SNX29: variants seen among roughly 807,000 people sequenced by gnomAD.
The protein encoded by SNX29 is sorting nexin 29.
SNX29 carries 78 observed loss-of-function variants against 102.1 expected under a neutral mutation model. That is an observed-to-expected ratio of 0.76 (90% CI 0.64 to 0.92). The LOEUF is 0.92. Ranked by LOEUF, SNX29 falls within the 40% of genes least tolerant of loss-of-function variation. SNX29 has a pLI of 0.00. For missense variants in SNX29, 1,280 were observed against 1,061.7 expected, an observed-to-expected ratio of 1.21 and a Z score of -2.86; for synonymous variants, 580 against 414.5, an observed-to-expected ratio of 1.40 and a Z score of -4.85.
At chr16:12,252,591 CGTGT>C (rs2078453175) in intron 14 of SNX29, among the ~76,000 whole-genome samples, 1 of 152,238 alleles carries the variant, frequency 6.6e-6, no homozygotes, top group Non-Finnish European at 1.5e-5. Context: ...CCTCCCTGAA[CGTGT>C]GTGCATTTCC....
At chr16:12,537,596 A>ACT (rs1182648240) in intron 20 of SNX29, among the ~76,000 whole-genome samples, 1 of 151,896 alleles carries the variant, frequency 6.6e-6, no homozygotes, top group Non-Finnish European at 1.5e-5. Flanking sequence ...CTTTGTTCAA[A>ACT]CTCTCACTTC....
At chr16:12,164,371 G>A (rs932162550) in intron 13 of SNX29, among the ~76,000 whole-genome samples, 4 of 152,182 alleles carry the variant, frequency 2.6e-5, no homozygotes, top group African/African-American at 7.2e-5. Context: ...AAACCCGTGC[G>A]ATAGTGAATG....
At chr16:12,285,880 G>A (rs562771300) in intron 15 of SNX29, among the ~76,000 whole-genome samples, 1 of 152,238 alleles carries the variant, frequency 6.6e-6, no homozygotes, top group Admixed American at 6.5e-5. Flanking sequence ...TTTTCTGATG[G>A]AGTTTCACTC....
chr16:12,061,313 C>T (rs558885463), intron 8 of SNX29, among the ~76,000 whole-genome samples: 1 of 152,318 alleles, frequency 6.6e-6, no homozygotes, highest in African/African-American at 2.4e-5. Flanking sequence ...CAGTGCCTGG[C>T]ATATAATAGG....
intron 18 of SNX29, among the ~76,000 whole-genome samples, chr16:12,458,423 C>T (rs1349223613): frequency 3.3e-5 from 5 of 152,214 alleles, no homozygotes; most frequent in Non-Finnish European, 7.4e-5. Context: ...GAGCCCTATG[C>T]AGACACTGAG....
rs536030269 is a variant in SNX29 at position 12,006,172 on chromosome 16, C to T, written c.122+3129C>T. On this transcript the variant is annotated intron_variant, in intron 3 of 20. Transcript: ENST00000566228. ...TGAGCTATGATCGTGCCATTGCATT[C>T]TAGCTTGGGCAATAGACAGAGACCC... Among the ~76,000 whole-genome samples the T allele has an allele frequency of 6.6e-5, 10 of 151,004 alleles. No individual in the cohort carries two copies. The Admixed American group carries it at 6.6e-4, about 10-fold the overall frequency.
At chr16:12,159,871 C>G in intron 13 of SNX29, among the ~76,000 whole-genome samples, 1 of 152,204 alleles carries the variant, frequency 6.6e-6, no homozygotes, top group East Asian at 1.9e-4. Flanking sequence ...CTTTTGCAGA[C>G]ATTACTAATC....
intron 11 of SNX29, among the ~76,000 whole-genome samples, chr16:12,083,040 A>G (rs956629714): frequency 2.0e-5 from 3 of 152,142 alleles, no homozygotes; most frequent in African/African-American, 7.2e-5. Flanking sequence ...ACGGTGGCTC[A>G]TGCCTGTAAT....
At position 12,294,149 on chromosome 16, in the gene SNX29, G is replaced by A. The variant is rs547776942; in HGVS notation, c.1782+16113G>A. ...ATCCTAGCTCTAGGCGCATGCCTGG[G>A]CCCTGTCACCTGACCTCTGTGAGCC... On this transcript the variant is annotated intron_variant, in intron 15 of 20. Transcript: ENST00000566228. 9.8e-5 allele frequency among the ~76,000 whole-genome samples: 15 copies of A among 152,342 alleles called. No homozygotes were observed. The South Asian group carries it at 2.9e-3, about 29-fold the overall frequency.
chr16:12,474,096 A>G (rs1030406525), intron 18 of SNX29, among the ~76,000 whole-genome samples: 1 of 152,170 alleles, frequency 6.6e-6, no homozygotes, highest in Non-Finnish European at 1.5e-5. Flanking sequence ...ACTGTGATAG[A>G]AAGTGTTAGA....
At chr16:12,483,124 T>G (rs916748803) in intron 19 of SNX29, among the ~76,000 whole-genome samples, 22 of 111,798 alleles carry the variant, frequency 2.0e-4, no homozygotes, top group African/African-American at 6.4e-4. Flanking sequence ...GTTTTTTTTT[T>G]TTTTTTTTTT....
At chr16:12,217,711 G>A (rs1001329037) in intron 14 of SNX29, among the ~76,000 whole-genome samples, 9 of 152,144 alleles carry the variant, frequency 5.9e-5, no homozygotes, top group African/African-American at 2.2e-4. Flanking sequence ...GATTTACCAT[G>A]GGCATATGTG....
At chr16:12,305,438 G>A (rs1163707269) in intron 15 of SNX29, among the ~76,000 whole-genome samples, 1 of 152,238 alleles carries the variant, frequency 6.6e-6, no homozygotes, top group African/African-American at 2.4e-5. Flanking sequence ...AGCTGCCAGT[G>A]ACTGTGACAC....
chr16:12,349,440 C>T (rs1215911996), intron 15 of SNX29, among the ~76,000 whole-genome samples: 1 of 152,226 alleles, frequency 6.6e-6, no homozygotes, highest in South Asian at 2.1e-4. Context: ...CACTGTAAGA[C>T]AATGTACAGG....
intron 9 of SNX29, among the ~76,000 whole-genome samples, chr16:12,068,627 C>G (rs899855022): frequency 8.5e-5 from 13 of 152,184 alleles, no homozygotes; most frequent in African/African-American, 2.7e-4. Context: ...TCACTGCAAC[C>G]TCTACCTCCA....
intron 13 of SNX29, among the ~76,000 whole-genome samples, chr16:12,187,920 A>G (rs1226663914): frequency 6.6e-6 from 1 of 152,158 alleles, no homozygotes; most frequent in African/African-American, 2.4e-5. Context: ...GAAATCGGAT[A>G]ATCATTTTCT....
chr16:12,423,927 G>T (rs2084960690), intron 18 of SNX29, among the ~76,000 whole-genome samples: 1 of 152,184 alleles, frequency 6.6e-6, no homozygotes, highest in Admixed American at 6.5e-5. Flanking sequence ...AGGTGATACT[G>T]TTGAGGTGGA....
intron 16 of SNX29, among the ~76,000 whole-genome samples, chr16:12,384,007 A>G (rs1197193258): frequency 3.9e-5 from 6 of 152,186 alleles, no homozygotes; most frequent in Admixed American, 2.6e-4. Flanking sequence ...TTCACTTAAC[A>G]TAGTGGCCTC....
At chr16:12,251,864 G>C (rs1056693492) in intron 14 of SNX29, among the ~76,000 whole-genome samples, 1 of 152,078 alleles carries the variant, frequency 6.6e-6, no homozygotes, top group Non-Finnish European at 1.5e-5. Flanking sequence ...GACTCAGGCA[G>C]TCCTCTTGAC....
Sources: gnomAD v4.1 joint callset for allele counts (sites outside exome capture counted in the v4.1 genomes callset) on GRCh38, gnomAD v4.1.1 for gene constraint, MANE v1.5 for transcripts, NCBI Gene and HGNC (gene_info 2026-07-23, HGNC 2026-07-21) for gene names.